The following DCP2 variants were observed in gnomAD, a reference collection of about 807,000 sequenced individuals.
DCP2 encodes the protein decapping mRNA 2.
In DCP2, 30 loss-of-function variants were observed where a neutral mutation model predicts 56.1. The ratio of observed to expected loss-of-function variants is 0.53; its 90% confidence interval spans 0.40 to 0.73. DCP2 has a LOEUF of 0.73. Among genes scored for constraint, DCP2 ranks in the 30% least tolerant of loss-of-function variants. The pLI, the probability that DCP2 is intolerant of heterozygous loss-of-function variation, is 0.00. For synonymous variants in DCP2, 197 were observed against 163.3 expected (o/e 1.21, Z -1.57); for missense variants, 533 against 502.7 (o/e 1.06, Z -0.58).
chr5:112,998,422 C>G (rs1461878297), intron 4 of DCP2, among the ~76,000 whole-genome samples: 1 of 152,216 alleles, frequency 6.6e-6, no homozygotes, highest in Non-Finnish European at 1.5e-5. Flanking sequence ...TCAAAGACGT[C>G]TACTAAAGGC....
chr5:113,014,590 T>C lies in DCP2; in HGVS notation c.*1106T>C, dbSNP rs1316497530. 6.5e-6 allele frequency: 1 copy of C among 152,676 alleles called. No homozygotes were observed. The highest frequency in any genetic ancestry group is 1.5e-5 in the Non-Finnish European group (1 of 68,040). The allele number at this position is 152,676 out of a possible 1,614,324, so 9.5% of individuals were successfully genotyped here. ...CATACATAACTCACTCCTAGGAATG[T>C]ATTTTGCTTCAGGATTTTTAAATTC... On this transcript the variant is annotated 3_prime_UTR_variant, in exon 11 of 11. Coordinates refer to ENST00000389063, the MANE Select transcript of DCP2 (RefSeq NM_152624.6).
chr5:112,989,458 A>C (rs1748473568), intron 2 of DCP2, among the ~76,000 whole-genome samples: 1 of 152,132 alleles, frequency 6.6e-6, no homozygotes, highest in Non-Finnish European at 1.5e-5. Context: ...GGAGCTAAAT[A>C]GAAGCCTTCT....
rs147119983 is a variant in DCP2 at position 112,993,932 on chromosome 5, G to T, written c.432+1162G>T. On this transcript the variant is annotated intron_variant, in intron 4 of 10. Transcript: ENST00000389063. ...GTGTAGGATCTCGCTTTGTTGTCCAGTGGCAACATCATAGTTTTAATTTTT... is the reference window on the plus strand; with the variant it reads ...GTGTAGGATCTCGCTTTGTTGTCCATTGGCAACATCATAGTTTTAATTTTT... 5.2e-3 allele frequency among the ~76,000 whole-genome samples: 789 copies of T among 150,314 alleles called. 4 individuals carry two copies. Among genetic ancestry groups the T allele is most frequent in the Non-Finnish European group, 6.9e-3 (467 of 67,480 alleles).
At chr5:112,996,099 C>A (rs949302891) in intron 4 of DCP2, among the ~76,000 whole-genome samples, 10 of 152,182 alleles carry the variant, frequency 6.6e-5, no homozygotes, top group Admixed American at 6.5e-4. Context: ...GGGGGTTGAG[C>A]TTCAACATAT....
At chr5:112,985,557 TTTG>T (rs1246278330) in intron 1 of DCP2, among the ~76,000 whole-genome samples, 8 of 152,244 alleles carry the variant, frequency 5.3e-5, no homozygotes, top group Non-Finnish European at 1.0e-4. Context: ...CTTGCTCACT[TTTG>T]TTGTTAGTGA....
chr5:113,001,143 A>C lies in DCP2; in HGVS notation c.492A>C (p.Glu164Asp). The C allele has an allele frequency of 6.2e-7, 1 of 1,613,784 alleles. No homozygotes were observed. Among genetic ancestry groups the C allele is most frequent in the Non-Finnish European group, 8.5e-7 (1 of 1,179,872 alleles). Residue 164 changes from glutamate (E) to aspartate (D), a missense_variant, in exon 5 of 11, where the codon GAA (glutamate) becomes GAC (aspartate). Physicochemically the swap from Glu to Asp is conservative, Grantham distance 45 (BLOSUM62 2). Transcript: ENST00000389063. ...ATATTTGTAAGGATGATTACATTGA[A>C]CTTCGAATCAATGACCAGCTTGCTC... is the stretch of plus-strand genomic sequence containing the variant. ...KDYICKDDYI[E>D]LRINDQLARL... is the part of the protein sequence containing the mutation.
chr5:113,005,151 G>T (rs10213745), intron 8 of DCP2, among the ~76,000 whole-genome samples: 33 of 149,524 alleles, frequency 2.2e-4, no homozygotes, highest in African/African-American at 6.2e-4. Flanking sequence ...TGTGCGTGTG[G>T]GTGTGTGTGT....
intron 1 of DCP2, among the ~76,000 whole-genome samples, chr5:112,984,904 G>A (rs1748200522): frequency 1.3e-5 from 2 of 151,132 alleles, no homozygotes; most frequent in South Asian, 2.1e-4. Context: ...AGGGCCTCTT[G>A]TAATTGGAGA....
rs181529366 is a variant in DCP2, at chr5:112,976,855, A to T, written c.-79A>T. ...TTCCTCGGCTGCCAGCTCTCCGGCG[A>T]GCCGGAGTCCTAGTGCCGTACCGTC... On this transcript the variant is annotated 5_prime_UTR_variant, in exon 1 of 11. Transcript: ENST00000389063. 4.4e-5 allele frequency: 65 copies of T among 1,467,740 alleles called. 1 individual carries two copies. The highest frequency in any genetic ancestry group is 4.8e-6 in the Non-Finnish European group (5 of 1,046,670). 90.9% of individuals were successfully genotyped at this position (1,467,740 alleles called of 1,614,324 possible). A position where few individuals can be genotyped will look rare whatever the true frequency, so the allele number is the denominator to read the frequency against.
chr5:112,986,613 G>A (rs1266869512), intron 2 of DCP2, among the ~76,000 whole-genome samples: 2 of 152,018 alleles, frequency 1.3e-5, no homozygotes, highest in African/African-American at 4.8e-5. Flanking sequence ...GCTGGGATTA[G>A]AGGTGTGAGC....
At chr5:112,992,095 A>G in intron 2 of DCP2, 26 bp from the exon 3 acceptor site, 5 of 1,609,946 alleles carry the variant, frequency 3.1e-6, no homozygotes, top group Non-Finnish European at 3.4e-6. Flanking sequence ...TAAAGGAGAA[A>G]GTAACTTCCT....
Position 113,021,650 on chromosome 5 carries a change from C to A in DCP2, c.*8166C>A, listed in dbSNP as rs1315963241. ...AGAGACCTCAGCTATATGATAGTAA[C>A]TTTTATTTTAAATTCTCAAAAGGAG... On this transcript the variant is annotated 3_prime_UTR_variant, in exon 11 of 11. Transcript: ENST00000389063. 6.6e-6 allele frequency among the ~76,000 whole-genome samples: 1 copy of A among 152,056 alleles called. No individual in the cohort carries two copies. Among genetic ancestry groups the A allele is most frequent in the Non-Finnish European group, 1.5e-5 (1 of 68,008 alleles).
At chr5:113,001,825 A>G in intron 7 of DCP2, 151 bp downstream of exon 7, 1 of 749,818 alleles carries the variant, frequency 1.3e-6, no homozygotes, top group South Asian at 1.9e-5. Flanking sequence ...AGATTTTTTT[A>G]AAGGGTTTCT....
At chr5:112,992,623 G>A (rs1290805067) in intron 3 of DCP2, 49 bp from the exon 4 acceptor site, 63 of 1,302,292 alleles carry the variant, frequency 4.8e-5, no homozygotes, top group Non-Finnish European at 6.7e-5. Context: ...TTAGAAAGGA[G>A]CATGGAAAAG....
At chr5:113,012,687 A>T (rs987825708) in intron 10 of DCP2, among the ~76,000 whole-genome samples, 1 of 152,074 alleles carries the variant, frequency 6.6e-6, no homozygotes, top group Non-Finnish European at 1.5e-5. Flanking sequence ...TGTGTCACCC[A>T]GACTGGAGTG....
intron 4 of DCP2, among the ~76,000 whole-genome samples, chr5:112,998,662 C>T (rs988580276): frequency 6.6e-5 from 10 of 152,156 alleles, no homozygotes; most frequent in African/African-American, 2.4e-4. Flanking sequence ...GAGATAGTGT[C>T]GTATGTAGAG....
chr5:112,981,002 T>A (rs1747978351), intron 1 of DCP2, among the ~76,000 whole-genome samples: 1 of 151,268 alleles, frequency 6.6e-6, no homozygotes, highest in Admixed American at 6.6e-5. Flanking sequence ...TTTAAATTGT[T>A]CCATTGTTTA....
At chr5:112,979,394 C>CT (rs993404827) in intron 1 of DCP2, among the ~76,000 whole-genome samples, 3 of 151,178 alleles carry the variant, frequency 2.0e-5, no homozygotes, top group East Asian at 1.9e-4. Flanking sequence ...TAGACTAAAA[C>CT]TTTTTTTTTA....
In DCP2 at chr5:113,020,982, T is replaced by A. The variant is rs1161630685; in HGVS notation, c.*7498T>A. ...TAGTTACCACCTTAGCCTGGTTTTC[T>A]GCTACTGTTATTTATCATCGTAGGT... On this transcript the variant is annotated 3_prime_UTR_variant, in exon 11 of 11. Transcript: ENST00000389063. 1 of 152,244 alleles carries A rather than the reference T, an allele frequency of 6.6e-6. No homozygotes were observed. Among genetic ancestry groups the A allele is most frequent in the African/African-American group, 2.4e-5 (1 of 41,462 alleles). 9.4% of individuals were successfully genotyped at this position (152,244 alleles called of 1,614,324 possible).
Sources: gnomAD v4.1 joint callset for allele counts (sites outside exome capture counted in the v4.1 genomes callset) on GRCh38, gnomAD v4.1.1 for gene constraint, MANE v1.5 for transcripts, NCBI Gene and HGNC (gene_info 2026-07-23, HGNC 2026-07-21) for gene names.